Variants in ANK2 observed in about 807,000 individuals in gnomAD.
ANK2 encodes ankyrin 2, also known as ankyrin-2.
Under a neutral mutation model 360.5 loss-of-function variants are expected in ANK2, and 83 were observed. That is an observed-to-expected ratio of 0.23 (90% CI 0.19 to 0.28). The LOEUF is 0.28. Among genes scored for constraint, ANK2 ranks in the 10% least tolerant of loss-of-function variants. The pLI is 1.00. For synonymous variants in ANK2, 1,740 were observed against 1,759.5 expected (o/e 0.99, Z 0.28); for missense variants, 4,201 against 4,795.7 (o/e 0.88, Z 3.66).
At chr4:112,783,734 C>G in the ANK2 span, among the ~76,000 whole-genome samples, 1 of 151,860 alleles carries the variant, frequency 6.6e-6, no homozygotes, top group African/African-American at 2.4e-5. Context: ...ACTGCAAGCT[C>G]TGCCTCCTGG....
intron 1 of ANK2, chr4:113,106,844 G>A (rs2093685977): frequency 1.9e-6 from 1 of 524,178 alleles, no homozygotes. Context: ...CCTGTAACTG[G>A]GCCAGTTTCT....
the ANK2 span, among the ~76,000 whole-genome samples, chr4:112,805,500 A>G: frequency 6.6e-6 from 1 of 151,498 alleles, no homozygotes; most frequent in African/African-American, 2.4e-5. Context: ...ACAAGGGTTC[A>G]TTTTTTCAAG....
At position 112,850,504 on chromosome 4, in the gene ANK2, C is replaced by CTTTTTTTTTTTTTTTTTTTTTT. The variant is rs60510554; in HGVS notation, c.-40+32249_-40+32270dup. 5.2e-4 allele frequency among the ~76,000 whole-genome samples: 3 copies of CTTTTTTTTTTTTTTTTTTTTTT among 5,820 alleles called. 1 individual carries two copies. Among genetic ancestry groups the CTTTTTTTTTTTTTTTTTTTTTT allele is most frequent in the Admixed American group, 5.7e-3 (2 of 350 alleles). The allele number at this position is 5,820 out of a possible 152,430, so 3.8% of individuals were successfully genotyped here. A position where few individuals can be genotyped will look rare whatever the true frequency, so the allele number is the denominator to read the frequency against. On this transcript the variant is annotated intron_variant, in intron 1 of 30. Transcript: ENST00000503271. The stretch of plus-strand genomic sequence containing the variant: ...TTTTTTTAACATTTCCTGTGCTAGT[C>CTTTTTTTTTTTTTTTTTTTTTT]TTTTTTTTTTTTTTTTTTTTTTTTT...
At chr4:113,348,882 T>A (rs1588777955) in intron 36 of ANK2, among the ~76,000 whole-genome samples, 1 of 152,174 alleles carries the variant, frequency 6.6e-6, no homozygotes, top group East Asian at 1.9e-4. Flanking sequence ...CATCGGAAGT[T>A]TTTCAGGCTC....
At chr4:113,048,248 G>GTGTGTA (rs1252407907), upstream of ANK2, among the ~76,000 whole-genome samples, 26 of 36,260 alleles carry the variant, frequency 7.2e-4, 1 homozygote, top group East Asian at 0.016. Flanking sequence ...CTACAAGTGT[G>GTGTGTA]TATATATATA....
At chr4:113,023,369 G>A (rs977294825) in intron 2 of ANK2, among the ~76,000 whole-genome samples, 4 of 152,158 alleles carry the variant, frequency 2.6e-5, no homozygotes, top group Non-Finnish European at 5.9e-5. Context: ...CCCCGTCTGT[G>A]TCCACCTCCC....
At chr4:113,196,579 G>T in intron 3 of ANK2, 113 bp downstream of exon 3, 1 of 960,930 alleles carries the variant, frequency 1.0e-6, no homozygotes, top group East Asian at 2.7e-5. Context: ...CCAGGAAGTA[G>T]TGCAGTGGTA....
chr4:112,765,670 T>C, the ANK2 span, among the ~76,000 whole-genome samples: 1 of 151,478 alleles, frequency 6.6e-6, no homozygotes, highest in East Asian at 1.9e-4. Context: ...TTTTTTTTTT[T>C]TTTCCGTTCA....
chr4:112,886,737 CA>C (rs1406812114), intron 1 of ANK2, among the ~76,000 whole-genome samples: 2 of 152,072 alleles, frequency 1.3e-5, no homozygotes, highest in African/African-American at 4.8e-5. Flanking sequence ...CGGATGGAGC[CA>C]AAGTGATCTA....
intron 18 of ANK2, among the ~76,000 whole-genome samples, chr4:113,286,724 A>G (rs183331898): frequency 1.3e-5 from 2 of 152,298 alleles, no homozygotes; most frequent in African/African-American, 4.8e-5. Flanking sequence ...AGGCATTTGA[A>G]CAATAGTGAG....
At chr4:113,145,858 G>A (rs761643103) in intron 1 of ANK2, 151 of 1,289,562 alleles carry the variant, frequency 1.2e-4, no homozygotes, top group Non-Finnish European at 1.5e-4. Context: ...AGCAGGAACT[G>A]TAGAGCTGAG....
intron 2 of ANK2, among the ~76,000 whole-genome samples, chr4:112,969,861 C>T (rs2038802672): frequency 6.6e-6 from 1 of 152,096 alleles, no homozygotes; most frequent in Admixed American, 6.6e-5. Flanking sequence ...TGTAGGAGTA[C>T]TTTAGTCTCA....
chr4:113,377,421 G>A lies in ANK2; in HGVS notation c.11859+3972G>A, dbSNP rs1189461690. On this transcript the variant is annotated intron_variant, in intron 45 of 45. Coordinates refer to ENST00000357077, the MANE Select transcript of ANK2 (RefSeq NM_001148.6). ...CCATTTTTAACCAAAATGTCATTAT[G>A]TAGCATGTGACTGTATATGCATTAT... Among the ~76,000 whole-genome samples, 3 of 152,120 alleles carry A rather than the reference G, an allele frequency of 2.0e-5. No individual in the cohort carries two copies. The East Asian group carries it at 5.8e-4, about 29-fold the overall frequency.
chr4:113,162,471 A>G (rs2097571206), intron 1 of ANK2, among the ~76,000 whole-genome samples: 1 of 152,112 alleles, frequency 6.6e-6, no homozygotes, highest in South Asian at 2.1e-4. Context: ...TACTGAATTT[A>G]TAGTTTTCTC....
the ANK2 span, among the ~76,000 whole-genome samples, chr4:112,758,934 C>G: frequency 6.6e-6 from 1 of 152,124 alleles, no homozygotes; most frequent in Non-Finnish European, 1.5e-5. Flanking sequence ...TTTCGAATCA[C>G]ATAGCAACAT....
chr4:112,965,372 GT>G lies in ANK2; in HGVS notation c.21+60860del, dbSNP rs908736006. Among the ~76,000 whole-genome samples, 49 of 152,056 alleles carry G rather than the reference GT, an allele frequency of 3.2e-4. 1 individual carries two copies. Among genetic ancestry groups the G allele is most frequent in the African/African-American group, 1.1e-3 (46 of 41,496 alleles). On this transcript the variant is annotated intron_variant, in intron 2 of 30. Transcript: ENST00000503271. ...TGATTAGATTTTTTTTTCCTATAGA[GT>G]TGTTTGAGCTCCTTGTATATTCTGG... is the stretch of plus-strand genomic sequence containing the variant.
chr4:113,062,322 A>G (rs975140290), intron 1 of ANK2, among the ~76,000 whole-genome samples: 1 of 152,078 alleles, frequency 6.6e-6, no homozygotes, highest in African/African-American at 2.4e-5. Context: ...TATCATGTAC[A>G]TTTCAGTTTA....
chr4:113,282,391 T>A (rs1314460789), intron 17 of ANK2, among the ~76,000 whole-genome samples: 1 of 152,224 alleles, frequency 6.6e-6, no homozygotes, highest in Non-Finnish European at 1.5e-5. Context: ...TGGCTTATCC[T>A]ATGTTGCTTT....
At chr4:113,006,584 G>C (rs2052948674) in intron 2 of ANK2, among the ~76,000 whole-genome samples, 1 of 152,112 alleles carries the variant, frequency 6.6e-6, no homozygotes, top group African/African-American at 2.4e-5. Context: ...AGTATAAATG[G>C]GCACAGGATT....
Sources: gnomAD v4.1 joint callset for allele counts (sites outside exome capture counted in the v4.1 genomes callset) on GRCh38, gnomAD v4.1.1 for gene constraint, MANE v1.5 for transcripts, NCBI Gene and HGNC (gene_info 2026-07-23, HGNC 2026-07-21) for gene names.